CUBN: variants seen among roughly 807,000 people sequenced by gnomAD.
CUBN encodes the protein 460 kDa receptor.
A neutral mutation model predicts 405.3 loss-of-function variants in CUBN; 282 were observed. That is an observed-to-expected ratio of 0.70 (90% CI 0.63 to 0.77). The LOEUF (loss-of-function observed/expected upper bound fraction) is 0.77, where lower values mean the gene tolerates loss of function less well. Among genes scored for constraint, CUBN ranks in the 30% least tolerant of loss-of-function variants. CUBN has a pLI of 0.00. For synonymous variants in CUBN, 1,684 were observed against 1,617.0 expected (o/e 1.04, Z -0.99); for missense variants, 4,514 against 4,475.2 (o/e 1.01, Z -0.25).
chr10:17,114,221 A>G lies in CUBN; in HGVS notation c.721-32T>C, dbSNP rs751586069. On this transcript the variant is annotated intron_variant, in intron 7 of 66. Coordinates refer to ENST00000377833, the MANE Select transcript of CUBN (RefSeq NM_001081.4). ...GGATGACAACAGCGTGAATAAAGAC[A>G]ATCATGAAAATCAGCAAGAAAAGCC... The G allele has an allele frequency of 2.1e-5, 33 of 1,607,830 alleles. No individual in the cohort carries two copies. The Admixed American group carries it at 4.4e-4, about 21-fold the overall frequency.
At chr10:16,841,865 A>C (rs1250967741) in intron 60 of CUBN, among the ~76,000 whole-genome samples, 1 of 134,224 alleles carries the variant, frequency 7.5e-6, no homozygotes, top group Non-Finnish European at 1.6e-5. Context: ...GTGAGCTGAG[A>C]TGGTGCCACT....
intron 12 of CUBN, 27 bp downstream of exon 12, chr10:17,104,392 C>A (rs1836569165): frequency 1.2e-6 from 2 of 1,611,138 alleles, no homozygotes; most frequent in Non-Finnish European, 1.7e-6. Context: ...CTGTGAGCAT[C>A]CGTGGCATAA....
At chr10:17,087,636 C>T (rs1017403888) in intron 15 of CUBN, among the ~76,000 whole-genome samples, 9 of 151,700 alleles carry the variant, frequency 5.9e-5, no homozygotes, top group Non-Finnish European at 1.3e-4. Context: ...CCACCTCGCC[C>T]AGCTAGTTTT....
chr10:16,859,884 C>T (rs1319712960), intron 59 of CUBN, among the ~76,000 whole-genome samples: 1 of 152,000 alleles, frequency 6.6e-6, no homozygotes, highest in African/African-American at 2.4e-5. Context: ...AAATACTTGG[C>T]ATAGATAGCA....
At chr10:17,106,013 A>G (rs987824246) in intron 10 of CUBN, among the ~76,000 whole-genome samples, 1 of 152,134 alleles carries the variant, frequency 6.6e-6, no homozygotes, top group Non-Finnish European at 1.5e-5. Context: ...GGCCAGGCAC[A>G]GTGGCTCACG....
intron 54 of CUBN, among the ~76,000 whole-genome samples, chr10:16,892,479 C>G (rs1841061016): frequency 1.3e-5 from 2 of 151,860 alleles, no homozygotes; most frequent in Non-Finnish European, 2.9e-5. Flanking sequence ...AATAGATAAT[C>G]TGTATATATA....
chr10:16,960,993 C>T (rs1204112448), intron 31 of CUBN, among the ~76,000 whole-genome samples: 1 of 152,166 alleles, frequency 6.6e-6, no homozygotes, highest in Non-Finnish European at 1.5e-5. Context: ...TATTATGGTG[C>T]TATCAAGTCC....
chr10:17,029,352 A>T (rs1834739878), intron 27 of CUBN, among the ~76,000 whole-genome samples: 2 of 152,242 alleles, frequency 1.3e-5, no homozygotes, highest in African/African-American at 4.8e-5. Flanking sequence ...TTCTTCTTTC[A>T]ATTTTTTATA....
In CUBN at chr10:16,907,402, G is replaced by A. The variant is rs780805; in HGVS notation, c.7705+106C>T. On this transcript the variant is annotated intron_variant, in intron 49 of 66. Coordinates refer to ENST00000377833, the MANE Select transcript of CUBN (RefSeq NM_001081.4). ...GTTTGTCTTATGTCAAAGATTTCAA[G>A]TATCACTAAAGGGAAAATGGATGGC... The A allele has an allele frequency of 0.53, 616,597 of 1,167,976 alleles. 169,937 individuals are homozygous for A. Among genetic ancestry groups the A allele is most frequent in the Non-Finnish European group, 0.57 (452,714 of 788,440 alleles). 72.4% of individuals were successfully genotyped at this position (1,167,976 alleles called of 1,614,324 possible). A position where few individuals can be genotyped will look rare whatever the true frequency, so the allele number is the denominator to read the frequency against.
chr10:16,838,705 C>A (rs1352065474), intron 62 of CUBN, among the ~76,000 whole-genome samples: 1 of 152,154 alleles, frequency 6.6e-6, no homozygotes, highest in Non-Finnish European at 1.5e-5. Flanking sequence ...AGTGCAGTGG[C>A]GCGATCTTGG....
chr10:17,055,350 T>A (rs1835367296), intron 22 of CUBN, among the ~76,000 whole-genome samples: 1 of 152,000 alleles, frequency 6.6e-6, no homozygotes, highest in South Asian at 2.1e-4. Flanking sequence ...CTGTCAAGAT[T>A]AAGAAAAAGG....
chr10:17,021,735 A>G (rs939216626), intron 27 of CUBN, among the ~76,000 whole-genome samples: 1 of 152,216 alleles, frequency 6.6e-6, no homozygotes, highest in African/African-American at 2.4e-5. Context: ...AAGCACCTCC[A>G]TGGAGCCGCC....
intron 28 of CUBN, among the ~76,000 whole-genome samples, chr10:17,001,813 C>A (rs1432557922): frequency 6.6e-6 from 1 of 152,128 alleles, no homozygotes; most frequent in Non-Finnish European, 1.5e-5. Context: ...TGCATTCCTT[C>A]AATTTCATTA....
chr10:16,897,227 C>T (rs1163844943), intron 54 of CUBN, among the ~76,000 whole-genome samples: 1 of 152,158 alleles, frequency 6.6e-6, no homozygotes, highest in Admixed American at 6.5e-5. Context: ...TCTGATTGTA[C>T]CCAGGACATG....
rs576450214 is a variant in CUBN at position 17,122,872 on chromosome 10, G to A, written c.516C>T (p.Asn172=). 472 of 1,613,454 alleles carry A rather than the reference G, an allele frequency of 2.9e-4. 5 individuals are homozygous for A. In the Admixed American group the frequency reaches 7.4e-3, roughly 25 times the overall value. Residue 172 remains asparagine (N), a synonymous_variant, in exon 6 of 67, where the codon AAC becomes AAT. Coordinates refer to ENST00000377833, the MANE Select transcript of CUBN (RefSeq NM_001081.4). The part of the protein sequence containing the change: ...WKGPLCSADV[N]ECEIYSGTPL... The stretch of plus-strand genomic sequence containing the variant: ...GTGTTCCTGAGTAAATCTCACATTC[G>A]TTAACATCAGCTGAGCAGAGAGGAC...
chr10:17,097,867 G>T (rs1836408912), intron 14 of CUBN, among the ~76,000 whole-genome samples: 1 of 151,398 alleles, frequency 6.6e-6, no homozygotes, highest in Admixed American at 6.6e-5. Context: ...AAAGGTGTGG[G>T]TTTTTTTTTA....
In CUBN at chr10:16,982,960, C is replaced by T. The variant is rs3012486; in HGVS notation, c.4526-307G>A. On this transcript the variant is annotated intron_variant, in intron 30 of 66. Coordinates refer to ENST00000377833, the MANE Select transcript of CUBN (RefSeq NM_001081.4). Reference sequence around the variant, plus strand: ...AAAGCCATGGAATGCTGCTTCTTCACTGTCCTCTAAAAATATAGCATACTG... The same window carrying T: ...AAAGCCATGGAATGCTGCTTCTTCATTGTCCTCTAAAAATATAGCATACTG... Among the ~76,000 whole-genome samples the T allele has an allele frequency of 0.73, 111,414 of 151,986 alleles. 43,681 individuals are homozygous for T. The highest frequency in any genetic ancestry group is 0.89 in the Non-Finnish European group (60,727 of 67,988).
intron 22 of CUBN, among the ~76,000 whole-genome samples, chr10:17,058,384 A>G (rs1007700825): frequency 6.6e-6 from 1 of 152,050 alleles, no homozygotes; most frequent in Non-Finnish European, 1.5e-5. Context: ...ACAGGGAAAA[A>G]TCCATATTAT....
intron 9 of CUBN, among the ~76,000 whole-genome samples, chr10:17,110,115 T>C (rs1836735491): frequency 6.6e-6 from 1 of 152,202 alleles, no homozygotes; most frequent in African/African-American, 2.4e-5. Flanking sequence ...CATACAAGGT[T>C]TCAGTTTATC....
Sources: gnomAD v4.1 joint callset for allele counts (sites outside exome capture counted in the v4.1 genomes callset) on GRCh38, gnomAD v4.1.1 for gene constraint, MANE v1.5 for transcripts, NCBI Gene and HGNC (gene_info 2026-07-23, HGNC 2026-07-21) for gene names.